The following SAMD3 variants were observed in gnomAD, a reference collection of about 807,000 sequenced individuals.
SAMD3 encodes the protein sterile alpha motif domain-containing protein 3.
Under a neutral mutation model 58.5 loss-of-function variants are expected in SAMD3, and 63 were observed. The observed-to-expected ratio is 1.08, with a 90% CI of 0.88 to 1.33. SAMD3 has a LOEUF of 1.33. Ranked by LOEUF, SAMD3 falls within the 40% of genes most tolerant of loss-of-function variation. The pLI is 0.00. For synonymous variants in SAMD3, 220 were observed against 210.3 expected (o/e 1.05, Z -0.40); for missense variants, 604 against 608.4 (o/e 0.99, Z 0.08).
intron 2 of SAMD3, among the ~76,000 whole-genome samples, chr6:130,238,463 T>C (rs1773242734): frequency 1.3e-5 from 2 of 151,788 alleles, no homozygotes; most frequent in Admixed American, 1.3e-4. Flanking sequence ...GGAGGAACAA[T>C]AGCAAGAGAT....
intron 2 of SAMD3, among the ~76,000 whole-genome samples, chr6:130,262,396 A>G (rs1774172536): frequency 6.6e-6 from 1 of 152,096 alleles, no homozygotes; most frequent in African/African-American, 2.4e-5. Context: ...AAGGCAAAAA[A>G]GTAGCTTACT....
intron 9 of SAMD3, among the ~76,000 whole-genome samples, chr6:130,150,327 A>G (rs1259447110): frequency 6.6e-6 from 1 of 152,100 alleles, no homozygotes. Flanking sequence ...CAGGCTGTAT[A>G]AGCTCTGAAT....
chr6:130,195,562 A>T (rs1252324526), intron 5 of SAMD3, among the ~76,000 whole-genome samples: 3 of 151,948 alleles, frequency 2.0e-5, no homozygotes, highest in African/African-American at 7.3e-5. Flanking sequence ...CTCCCTCTAC[A>T]ACCCATTATT....
chr6:130,187,833 A>G (rs755820890), intron 5 of SAMD3, among the ~76,000 whole-genome samples: 11 of 152,158 alleles, frequency 7.2e-5, no homozygotes, highest in Non-Finnish European at 1.5e-4. Flanking sequence ...CTCTTCGACA[A>G]AATCAGCACC....
At chr6:130,311,371 G>T (rs1420455873) in intron 2 of SAMD3, among the ~76,000 whole-genome samples, 2 of 152,164 alleles carry the variant, frequency 1.3e-5, no homozygotes, top group African/African-American at 2.4e-5. Flanking sequence ...GCACAGGCAA[G>T]GAGGGGTTCC....
At chr6:130,308,399 TA>T (rs769132038) in intron 2 of SAMD3, among the ~76,000 whole-genome samples, 328 of 138,120 alleles carry the variant, frequency 2.4e-3, no homozygotes, top group Middle Eastern at 7.6e-3. Flanking sequence ...TATTCTATTC[TA>T]TTCTATTCTA....
chr6:130,363,799 CA>C (rs1778054021), intron 1 of SAMD3, among the ~76,000 whole-genome samples: 1 of 152,116 alleles, frequency 6.6e-6, no homozygotes, highest in Non-Finnish European at 1.5e-5. Context: ...CATATAGACA[CA>C]GCAAAAAATA....
intron 2 of SAMD3, among the ~76,000 whole-genome samples, chr6:130,228,622 G>A (rs78652774): frequency 0.071 from 10,869 of 152,242 alleles, 682 homozygotes; most frequent in East Asian, 0.29. Flanking sequence ...GCTGGGAGCC[G>A]CGGGTGTTAA....
intron 2 of SAMD3, among the ~76,000 whole-genome samples, chr6:130,303,422 G>C (rs921500759): frequency 6.6e-6 from 1 of 152,088 alleles, no homozygotes; most frequent in Non-Finnish European, 1.5e-5. Context: ...GTACTTAATA[G>C]GCAACTTAAA....
chr6:130,284,693 G>C (rs1472142573), intron 2 of SAMD3, among the ~76,000 whole-genome samples: 3 of 152,000 alleles, frequency 2.0e-5, no homozygotes, highest in African/African-American at 7.2e-5. Context: ...AAGTTGACCA[G>C]GTAAATAATC....
chr6:130,263,473 C>A (rs1774216315), intron 2 of SAMD3, among the ~76,000 whole-genome samples: 1 of 152,064 alleles, frequency 6.6e-6, no homozygotes, highest in East Asian at 1.9e-4. Flanking sequence ...GAATGCTGTT[C>A]ATACAGCAAA....
At chr6:130,167,787 T>C (rs980178889) in intron 8 of SAMD3, among the ~76,000 whole-genome samples, 2 of 152,000 alleles carry the variant, frequency 1.3e-5, no homozygotes, top group Non-Finnish European at 1.5e-5. Context: ...CCACATGAGG[T>C]CTTGAGATTG....
At chr6:130,335,861 G>A (rs1411047151) in intron 1 of SAMD3, among the ~76,000 whole-genome samples, 1 of 152,010 alleles carries the variant, frequency 6.6e-6, no homozygotes, top group Non-Finnish European at 1.5e-5. Flanking sequence ...CATGTCCTTT[G>A]TAGGGACATG....
At chr6:130,331,519 G>T (rs1024563527) in intron 1 of SAMD3, among the ~76,000 whole-genome samples, 5 of 152,044 alleles carry the variant, frequency 3.3e-5, no homozygotes, top group Non-Finnish European at 7.4e-5. Flanking sequence ...TCAGGAGTTC[G>T]AGACCAGCCT....
At chr6:130,252,148 C>T (rs1773760325) in intron 2 of SAMD3, among the ~76,000 whole-genome samples, 1 of 151,934 alleles carries the variant, frequency 6.6e-6, no homozygotes, top group Admixed American at 6.6e-5. Flanking sequence ...TATAAAATGT[C>T]CTTGCCTAAT....
chr6:130,236,217 G>A (rs1773138933), intron 2 of SAMD3, among the ~76,000 whole-genome samples: 1 of 152,090 alleles, frequency 6.6e-6, no homozygotes, highest in African/African-American at 2.4e-5. Context: ...TTTTGTGGAA[G>A]TTTTGATTAA....
chr6:130,263,254 C>A (rs1236779929), intron 2 of SAMD3, among the ~76,000 whole-genome samples: 2 of 152,164 alleles, frequency 1.3e-5, no homozygotes, highest in African/African-American at 4.8e-5. Context: ...ACATTTAAAA[C>A]AAAAGATCAA....
At chr6:130,265,189 T>G (rs1259798241) in intron 2 of SAMD3, among the ~76,000 whole-genome samples, 3 of 152,240 alleles carry the variant, frequency 2.0e-5, no homozygotes, top group African/African-American at 7.2e-5. Flanking sequence ...CCCGCCACCT[T>G]GCTCCTGGTA....
intron 7 of SAMD3, among the ~76,000 whole-genome samples, chr6:130,177,341 TG>T (rs1791822604): frequency 6.6e-6 from 1 of 152,124 alleles, no homozygotes; most frequent in African/African-American, 2.4e-5. Context: ...GGAGAGTGAA[TG>T]GTCCAGATTT....
Sources: gnomAD v4.1 joint callset for allele counts (sites outside exome capture counted in the v4.1 genomes callset) on GRCh38, gnomAD v4.1.1 for gene constraint, MANE v1.5 for transcripts, NCBI Gene and HGNC (gene_info 2026-07-23, HGNC 2026-07-21) for gene names.